Variants in TRIM71 observed in about 807,000 individuals in gnomAD.
TRIM71 encodes the protein tripartite motif containing 71, also known as E3 ubiquitin-protein ligase TRIM71.
Under a neutral mutation model 61.2 loss-of-function variants are expected in TRIM71, and 9 were observed. The observed-to-expected ratio is 0.15, with a 90% confidence interval of 0.09 to 0.26. TRIM71 has a LOEUF of 0.26. TRIM71 is among the 10% of genes least tolerant of loss of function. The pLI is 1.00. For missense variants in TRIM71, 998 were observed against 1,238.7 expected (o/e 0.81, Z 2.92); for synonymous variants, 645 against 553.2 (o/e 1.17, Z -2.33).
In TRIM71 at chr3:32,890,159, T is replaced by C. The variant is rs1442831477; in HGVS notation, c.1156-201T>C. ...GTTGTCCTGTTTCTAGTAACTATCC[T>C]CTGTAACCCAGAACAGTTCTTCAGG... On this transcript the variant is annotated intron_variant, in intron 3 of 3. Transcript: ENST00000383763. The surrounding 1 kb of genome is among the most constrained non-coding windows in gnomAD (Gnocchi z 6.2). Among the ~76,000 whole-genome samples the C allele has an allele frequency of 6.6e-6, 1 of 152,320 alleles. No homozygotes were observed. The highest frequency in any genetic ancestry group is 2.1e-4 in the South Asian group (1 of 4,828).
At chr3:32,841,971 C>T (rs147187769) in intron 1 of TRIM71, among the ~76,000 whole-genome samples, 33 of 152,136 alleles carry the variant, frequency 2.2e-4, no homozygotes, top group South Asian at 4.1e-4. Context: ...TTGGAACTCA[C>T]GCCATACACC....
rs1696094003 is a variant in TRIM71 at position 32,818,798 on chromosome 3, C to T, written c.718C>T (p.Arg240Cys). 1.2e-6 allele frequency: 2 copies of T among 1,607,618 alleles called. No homozygotes were observed. Among genetic ancestry groups the T allele is most frequent in the African/African-American group, 2.7e-5 (2 of 74,828 alleles). ...CCTCACCAAGGACCACTACATCGAG[C>T]GCGGCCCGCCGGGTCCCGGTGCCGC... ...VRLTKDHYIE[R>C]GPPGPGAAAA... Residue 240 changes from arginine (R) to cysteine (C), a missense_variant, in exon 1 of 4, where the codon CGC (arginine) becomes TGC (cysteine). Physicochemically the swap from Arg to Cys is radical, Grantham distance 180 (BLOSUM62 -3). This residue lies in a region of TRIM71 where 527 missense variants were observed against 427.8 expected (regional missense o/e 1.23). Coordinates refer to ENST00000383763, the MANE Select transcript of TRIM71 (RefSeq NM_001039111.3).
chr3:32,848,706 A>G (rs564958217), intron 1 of TRIM71, among the ~76,000 whole-genome samples: 1 of 152,182 alleles, frequency 6.6e-6, no homozygotes, highest in South Asian at 2.1e-4. Flanking sequence ...TTTGCCCTTT[A>G]AAACACCAGC....
rs758518540 is a variant in TRIM71, at chr3:32,891,672, C to T, written c.2468C>T (p.Ser823Phe). The T allele has an allele frequency of 1.2e-6, 2 of 1,613,820 alleles. No individual in the cohort carries two copies. Among genetic ancestry groups the T allele is most frequent in the African/African-American group, 2.7e-5 (2 of 74,936 alleles). Residue 823 changes from serine (S) to phenylalanine (F), a missense_variant, in exon 4 of 4, where the codon TCC becomes TTC. Physicochemically the swap from Ser to Phe is radical, Grantham distance 155 (BLOSUM62 -2). Transcript: ENST00000383763. This position sits in a 1 kb window ranked among gnomAD's most constrained non-coding sequence, Gnocchi z 8.2. ...AACCATCGGGTACAGATGTTTGAAT[C>T]CAACGGCAGCTTCCTGTGCAAGTTT... The part of the protein sequence containing the change: ...SRNHRVQMFE[S>F]NGSFLCKFGA...
rs551141608 is a variant in TRIM71 at position 32,840,591 on chromosome 3, C to T, written c.852+21659C>T. Among the ~76,000 whole-genome samples the T allele has an allele frequency of 9.2e-5, 14 of 152,282 alleles. No individual in the cohort carries two copies. In the East Asian group the frequency reaches 1.4e-3, roughly 15 times the overall value. The stretch of plus-strand genomic sequence containing the variant: ...TTCCCTTGAGTTTTCTCCATTCCTC[C>T]GACAGGGCATGCAGTGGGGGTAGGC... On this transcript the variant is annotated intron_variant, in intron 1 of 3. Transcript: ENST00000383763.
At chr3:32,865,172 AC>A (rs1377968113) in intron 1 of TRIM71, among the ~76,000 whole-genome samples, 2 of 152,108 alleles carry the variant, frequency 1.3e-5, no homozygotes, top group Non-Finnish European at 2.9e-5. Flanking sequence ...TACTAAAAAT[AC>A]AAAAAATTAG....
chr3:32,885,866 T>G, intron 2 of TRIM71, 68 bp from the exon 3 acceptor site: 1 of 1,550,176 alleles, frequency 6.5e-7, no homozygotes, highest in South Asian at 1.3e-5. Context: ...CAGAGCAGAT[T>G]CAAATGTTTT....
chr3:32,866,190 C>T (rs1448371893), intron 1 of TRIM71, among the ~76,000 whole-genome samples: 2 of 151,378 alleles, frequency 1.3e-5, no homozygotes, highest in Non-Finnish European at 2.9e-5. Context: ...GGATTACAGG[C>T]ATGCGCCTGT....
chr3:32,839,796 T>G (rs1696383037), intron 1 of TRIM71, among the ~76,000 whole-genome samples: 1 of 151,850 alleles, frequency 6.6e-6, no homozygotes, highest in African/African-American at 2.4e-5. Context: ...GGGCTGGAAT[T>G]GGGTAAGGGC....
chr3:32,857,970 C>T (rs547545593), intron 1 of TRIM71, among the ~76,000 whole-genome samples: 8 of 151,946 alleles, frequency 5.3e-5, no homozygotes, highest in Non-Finnish European at 7.4e-5. Flanking sequence ...GACTCAGTCT[C>T]GGGGTGAGGG....
In TRIM71 at chr3:32,893,437, A is replaced by G. The variant is rs1450576629; in HGVS notation, c.*1626A>G. 6.6e-6 allele frequency: 1 copy of G among 152,140 alleles called. No homozygotes were observed. The highest frequency in any genetic ancestry group is 1.9e-4 in the East Asian group (1 of 5,186). 9.4% of individuals were successfully genotyped at this position (152,140 alleles called of 1,614,324 possible). On this transcript the variant is annotated 3_prime_UTR_variant, in exon 4 of 4. Transcript: ENST00000383763. Reference sequence around the variant, plus strand: ...TGTCTGTCTTTCAAGTGCAAAGCAGATGTAGCTGATACCCTGCTTGTCAGA... The same window carrying G: ...TGTCTGTCTTTCAAGTGCAAAGCAGGTGTAGCTGATACCCTGCTTGTCAGA...
chr3:32,850,527 T>C (rs1256934330), intron 1 of TRIM71, among the ~76,000 whole-genome samples: 1 of 152,214 alleles, frequency 6.6e-6, no homozygotes, highest in Non-Finnish European at 1.5e-5. Flanking sequence ...GGAATGGAAA[T>C]TGTCAGATTG....
intron 1 of TRIM71, among the ~76,000 whole-genome samples, chr3:32,825,591 A>G (rs746605022): frequency 7.9e-5 from 12 of 152,168 alleles, no homozygotes; most frequent in Non-Finnish European, 1.6e-4. Context: ...CAGTTTCAAA[A>G]TACTGCTTCC....
At chr3:32,860,974 A>G (rs796259847) in intron 1 of TRIM71, among the ~76,000 whole-genome samples, 5 of 151,866 alleles carry the variant, frequency 3.3e-5, no homozygotes, top group African/African-American at 1.2e-4. Context: ...CAGGAGTTTG[A>G]GACCAGCCTG....
Position 32,885,284 on chromosome 3 carries a change from T to TTTTTATG in TRIM71, c.1021-650_1021-649insTTTTATG, listed in dbSNP as rs140379336. 0.017 allele frequency among the ~76,000 whole-genome samples: 2,663 copies of TTTTTATG among 152,290 alleles called. 143 individuals are homozygous for TTTTTATG. The East Asian group carries it at 0.21, about 12-fold the overall frequency. ...CACCATGCCTTCTGTCTGGATTAAT[T>TTTTTATG]AACAATAATACGTCTGATTAAACTG... On this transcript the variant is annotated intron_variant, in intron 2 of 3. Coordinates refer to ENST00000383763, the MANE Select transcript of TRIM71 (RefSeq NM_001039111.3).
chr3:32,864,314 G>C lies in TRIM71; in HGVS notation c.853-9504G>C, dbSNP rs551354490. 1.5e-3 allele frequency among the ~76,000 whole-genome samples: 234 copies of C among 152,302 alleles called. 1 individual carries two copies. The Middle Eastern group carries it at 0.017, about 11-fold the overall frequency. On this transcript the variant is annotated intron_variant, in intron 1 of 3. Coordinates refer to ENST00000383763, the MANE Select transcript of TRIM71 (RefSeq NM_001039111.3). ...ACTGAGTATTGTGTAGTGTAACTTGGATCTGTTAGAGGACACCCCAAGCAC... is the reference window on the plus strand; with the variant it reads ...ACTGAGTATTGTGTAGTGTAACTTGCATCTGTTAGAGGACACCCCAAGCAC...
At chr3:32,889,559 AATTATTATTATT>A (rs35065462) in intron 3 of TRIM71, among the ~76,000 whole-genome samples, 123 of 139,594 alleles carry the variant, frequency 8.8e-4, no homozygotes, top group African/African-American at 1.8e-3. Context: ...GTTTTGTCCC[AATTATTATTATT>A]ATTATTATTA....
intron 2 of TRIM71, among the ~76,000 whole-genome samples, chr3:32,883,007 G>A (rs373632503): frequency 6.6e-6 from 1 of 152,090 alleles, no homozygotes; most frequent in East Asian, 1.9e-4. Context: ...AGAAGAAGCT[G>A]CTTCTGCAGG....
In TRIM71 at chr3:32,889,898, G is replaced by GTGTA. The variant is rs74270608; in HGVS notation, c.1156-442_1156-439dup. Among the ~76,000 whole-genome samples, 297 of 151,500 alleles carry GTGTA rather than the reference G, an allele frequency of 2.0e-3. 1 individual carries two copies. Among genetic ancestry groups the GTGTA allele is most frequent in the African/African-American group, 5.9e-3 (242 of 41,296 alleles). ...GAGGCGTGCGTGTATGTGTGTGTGT[G>GTGTA]TGTATGTATGTATGTATGTATGTGT... On this transcript the variant is annotated intron_variant, in intron 3 of 3. Coordinates refer to ENST00000383763, the MANE Select transcript of TRIM71 (RefSeq NM_001039111.3).
Sources: gnomAD v4.1 joint callset for allele counts (sites outside exome capture counted in the v4.1 genomes callset) on GRCh38, gnomAD v4.1.1 for gene constraint, gnomAD v4.1.1 regional missense constraint, Gnocchi (gnomAD v3.1) non-coding constraint, MANE v1.5 for transcripts, NCBI Gene and HGNC (gene_info 2026-07-23, HGNC 2026-07-21) for gene names.